The following FRA10AC1 variants were observed in gnomAD, a reference collection of about 807,000 sequenced individuals.
The protein encoded by FRA10AC1 is protein FRA10AC1.
Under a neutral mutation model 56.5 loss-of-function variants are expected in FRA10AC1, and 43 were observed. That is an observed-to-expected ratio of 0.76 (90% CI 0.60 to 0.98). FRA10AC1 has a LOEUF of 0.98. FRA10AC1 is among the 50% of genes least tolerant of loss of function. FRA10AC1 has a pLI of 0.00. For synonymous variants in FRA10AC1, 112 were observed against 110.5 expected, an observed-to-expected ratio of 1.01 and a Z score of -0.09; for missense variants, 346 against 351.8, an observed-to-expected ratio of 0.98 and a Z score of 0.13.
intron 2 of FRA10AC1, among the ~76,000 whole-genome samples, chr10:93,699,215 A>G (rs575162174): frequency 3.3e-5 from 5 of 152,362 alleles, no homozygotes; most frequent in African/African-American, 1.2e-4. Flanking sequence ...GAAAATGTAA[A>G]GCATCAAAAA....
chr10:93,701,361 T>C (rs2059328472), intron 1 of FRA10AC1, among the ~76,000 whole-genome samples: 1 of 152,224 alleles, frequency 6.6e-6, no homozygotes, highest in Admixed American at 6.5e-5. Context: ...AAGAACTCTC[T>C]AAACTTCATT....
At chr10:93,683,847 G>A (rs2058976961) in intron 10 of FRA10AC1, among the ~76,000 whole-genome samples, 1 of 151,996 alleles carries the variant, frequency 6.6e-6, no homozygotes, top group South Asian at 2.1e-4. Flanking sequence ...CCTCACATAG[G>A]CCTTTACATT....
chr10:93,673,196 A>T, intron 12 of FRA10AC1: 1 of 377,878 alleles, frequency 2.6e-6, no homozygotes, highest in Non-Finnish European at 5.1e-6. Flanking sequence ...TCCTTAAATT[A>T]AGGCAAAAAT....
At chr10:93,670,123 G>A (rs748524106) in intron 13 of FRA10AC1, among the ~76,000 whole-genome samples, 1 of 151,964 alleles carries the variant, frequency 6.6e-6, no homozygotes, top group South Asian at 2.1e-4. Context: ...CTAAAATTTT[G>A]CTTTGAAATA....
chr10:93,678,125 T>C (rs1445754515), intron 11 of FRA10AC1, among the ~76,000 whole-genome samples: 2 of 152,182 alleles, frequency 1.3e-5, no homozygotes, highest in African/African-American at 2.4e-5. Context: ...CATAATCTTA[T>C]TTGGAGAAGT....
At position 93,684,237 on chromosome 10, in the gene FRA10AC1, A is replaced by G. The variant is rs574935485; in HGVS notation, c.626-139T>C. 3 of 607,232 alleles carry G rather than the reference A, an allele frequency of 4.9e-6. No homozygotes were observed. In the Admixed American group the frequency reaches 8.0e-5, roughly 16 times the overall value. 37.6% of individuals were successfully genotyped at this position (607,232 alleles called of 1,614,324 possible). On this transcript the variant is annotated intron_variant, in intron 9 of 13. Transcript: ENST00000359204. ...CAAACAATCCAAAGAAAACAATCTGACCTTCATCACCTCAAAAATGCAAAT... is the reference window on the plus strand; with the variant it reads ...CAAACAATCCAAAGAAAACAATCTGGCCTTCATCACCTCAAAAATGCAAAT...
chr10:93,688,991 G>C (rs1288442244), intron 7 of FRA10AC1, among the ~76,000 whole-genome samples: 1 of 151,592 alleles, frequency 6.6e-6, no homozygotes, highest in Non-Finnish European at 1.5e-5. Context: ...AAGTTCACCG[G>C]ATTGTTATAG....
intron 1 of FRA10AC1, 96 bp downstream of exon 1, chr10:93,702,278 CA>C (rs373043710): frequency 1.1e-4 from 17 of 149,228 alleles, no homozygotes; most frequent in Non-Finnish European, 1.8e-4. Context: ...CAAACCAAAA[CA>C]AAAAAAAACC....
chr10:93,693,551 C>T (rs1331555887), intron 5 of FRA10AC1, among the ~76,000 whole-genome samples: 53 of 125,574 alleles, frequency 4.2e-4, no homozygotes, highest in African/African-American at 9.0e-4. Context: ...TATATATACA[C>T]ACATACATAC....
chr10:93,681,424 G>A (rs936857362), intron 11 of FRA10AC1, 56 bp downstream of exon 11: 8 of 1,111,470 alleles, frequency 7.2e-6, no homozygotes, highest in Non-Finnish European at 1.0e-5. Context: ...AAATATGGCA[G>A]ATTATATTTC....
chr10:93,693,904 T>C (rs1465765998), intron 5 of FRA10AC1, among the ~76,000 whole-genome samples: 1 of 151,698 alleles, frequency 6.6e-6, no homozygotes, highest in Non-Finnish European at 1.5e-5. Flanking sequence ...ACTGATATAA[T>C]GGACTTTAGG....
intron 4 of FRA10AC1, among the ~76,000 whole-genome samples, chr10:93,696,207 G>A (rs1329285090): frequency 1.3e-5 from 2 of 152,190 alleles, no homozygotes; most frequent in Non-Finnish European, 2.9e-5. Flanking sequence ...TGACATGATA[G>A]CGAGTTCCCT....
At chr10:93,671,232 A>T (rs2058756533) in intron 12 of FRA10AC1, 1 of 174,346 alleles carries the variant, frequency 5.7e-6, no homozygotes, top group South Asian at 1.3e-4. Flanking sequence ...TGTAGAGAAC[A>T]TGTTTACATT....
chr10:93,689,997 C>T (rs1202572557), intron 7 of FRA10AC1, among the ~76,000 whole-genome samples: 2 of 151,800 alleles, frequency 1.3e-5, no homozygotes, highest in African/African-American at 4.8e-5. Context: ...ATTGATCCAA[C>T]TAAAAAGGGG....
At chr10:93,682,743 T>C (rs1188950634) in intron 10 of FRA10AC1, among the ~76,000 whole-genome samples, 1 of 152,156 alleles carries the variant, frequency 6.6e-6, no homozygotes, top group African/African-American at 2.4e-5. Flanking sequence ...AGGCTGAGGC[T>C]GCAATGAGCC....
At chr10:93,685,589 T>C (rs780452732) in intron 8 of FRA10AC1, 15 of 309,660 alleles carry the variant, frequency 4.8e-5, no homozygotes, top group Non-Finnish European at 7.6e-5. Flanking sequence ...TGTATTTAGA[T>C]AGACATTTTA....
At chr10:93,687,589 T>C in intron 7 of FRA10AC1, 140 bp from the exon 8 acceptor site, 1 of 819,948 alleles carries the variant, frequency 1.2e-6, no homozygotes, top group South Asian at 2.2e-5. Flanking sequence ...TCTTATAGGA[T>C]TTGAAGAAAA....
intron 13 of FRA10AC1, 81 bp from the exon 14 acceptor site, chr10:93,669,949 T>A (rs566198340): frequency 1.4e-6 from 1 of 696,802 alleles, no homozygotes; most frequent in Non-Finnish European, 2.4e-6. Flanking sequence ...TTAATAAAAA[T>A]AAAATACTTT....
chr10:93,674,234 A>C (rs367869660), intron 12 of FRA10AC1: 9 of 152,342 alleles, frequency 5.9e-5, no homozygotes, highest in East Asian at 3.9e-4. Context: ...TATTATATGC[A>C]CATTATTAAG....
Sources: gnomAD v4.1 joint callset for allele counts (sites outside exome capture counted in the v4.1 genomes callset) on GRCh38, gnomAD v4.1.1 for gene constraint, MANE v1.5 for transcripts, NCBI Gene and HGNC (gene_info 2026-07-23, HGNC 2026-07-21) for gene names.